Variants in RABGAP1L observed in about 807,000 individuals in gnomAD.
The protein encoded by RABGAP1L is rab GTPase-activating protein 1-like.
A neutral mutation model predicts 137.7 loss-of-function variants in RABGAP1L; 63 were observed. That is an observed-to-expected ratio of 0.46 (90% confidence interval 0.37 to 0.56). RABGAP1L has a LOEUF of 0.56. Ranked by LOEUF, RABGAP1L falls within the 20% of genes least tolerant of loss-of-function variation. The probability of loss-of-function intolerance (pLI) is 0.00; values close to 1 mark genes in which losing one functional copy is unlikely to be tolerated. For missense variants in RABGAP1L, 1,095 were observed against 1,244.0 expected, an observed-to-expected ratio of 0.88 and a Z score of 1.80; for synonymous variants, 431 against 433.7, an observed-to-expected ratio of 0.99 and a Z score of 0.08.
chr1:174,789,738 C>T (rs1430405434), intron 18 of RABGAP1L, among the ~76,000 whole-genome samples: 2 of 151,586 alleles, frequency 1.3e-5, no homozygotes, highest in African/African-American at 4.8e-5. Context: ...GTTCTAAGGC[C>T]CTGTAAAATT....
intron 20 of RABGAP1L, among the ~76,000 whole-genome samples, chr1:174,967,660 A>AT (rs1290582157): frequency 6.6e-6 from 1 of 151,580 alleles, no homozygotes; most frequent in African/African-American, 2.4e-5. Context: ...ATTTTTAAAA[A>AT]TTTTTTTGTA....
rs1281331339 is a variant in RABGAP1L, at chr1:174,611,840, T to G, written c.1711-25535T>G. On this transcript the variant is annotated intron_variant, in intron 13 of 25. Coordinates refer to ENST00000681986, the MANE Select transcript of RABGAP1L (RefSeq NM_001366446.1). ...GCAATTGTGAATGGGAGTTCACTCA[T>G]GATTTGGCTCTCTGTTTGTCTGTTA... 2.0e-5 allele frequency among the ~76,000 whole-genome samples: 3 copies of G among 152,128 alleles called. No homozygotes were observed. In the East Asian group the frequency reaches 5.8e-4, roughly 29 times the overall value.
At chr1:174,547,020 A>T (rs1271495654) in intron 13 of RABGAP1L, among the ~76,000 whole-genome samples, 2 of 106,882 alleles carry the variant, frequency 1.9e-5, no homozygotes, top group Non-Finnish European at 3.4e-5. Context: ...AAAGAGCGAG[A>T]CTCTGTCTCA....
chr1:174,763,549 G>T (rs1337132087), intron 18 of RABGAP1L, among the ~76,000 whole-genome samples: 1 of 149,906 alleles, frequency 6.7e-6, no homozygotes, highest in East Asian at 2.0e-4. Flanking sequence ...TACTCGGGAG[G>T]CTGAGGCAGG....
chr1:174,545,031 C>G (rs2147954249), intron 13 of RABGAP1L: 1 of 152,962 alleles, frequency 6.5e-6, no homozygotes, highest in African/African-American at 2.4e-5. Flanking sequence ...AGGTGTCTCC[C>G]AATTAGACTA....
At chr1:174,842,230 T>G (rs1480929172) in intron 19 of RABGAP1L, among the ~76,000 whole-genome samples, 1 of 152,224 alleles carries the variant, frequency 6.6e-6, no homozygotes, top group Non-Finnish European at 1.5e-5. Flanking sequence ...GTTGAATTCT[T>G]CAGCATCTTC....
intron 17 of RABGAP1L, among the ~76,000 whole-genome samples, 197 bp downstream of exon 17, chr1:174,702,453 C>T (rs1572857871): frequency 7.0e-6 from 1 of 143,634 alleles, no homozygotes; most frequent in African/African-American, 2.5e-5. Context: ...AATGTTAAGG[C>T]ATATATAATT....
chr1:174,272,267 C>G (rs1049449965), intron 7 of RABGAP1L, 147 bp from the exon 8 acceptor site: 3 of 660,114 alleles, frequency 4.5e-6, no homozygotes, highest in Non-Finnish European at 6.9e-6. Flanking sequence ...TTCATAAATA[C>G]TTATTTCTGG....
chr1:174,635,116 C>G (rs1406998568), intron 13 of RABGAP1L, among the ~76,000 whole-genome samples: 1 of 151,860 alleles, frequency 6.6e-6, no homozygotes, highest in Admixed American at 6.6e-5. Flanking sequence ...AATTTACTCT[C>G]TAGATTTTTT....
intron 18 of RABGAP1L, among the ~76,000 whole-genome samples, chr1:174,766,525 G>A (rs1685683767): frequency 6.6e-6 from 1 of 152,178 alleles, no homozygotes; most frequent in Non-Finnish European, 1.5e-5. Context: ...AAGGAAGTGT[G>A]CATTCTCCAG....
intron 21 of RABGAP1L, among the ~76,000 whole-genome samples, chr1:174,973,996 T>G (rs1274035836): frequency 4.4e-5 from 6 of 135,336 alleles, no homozygotes; most frequent in Admixed American, 1.5e-4. Flanking sequence ...TTTTTTTTTT[T>G]TTTTTTTTTT....
chr1:174,614,979 C>T (rs1196596156), intron 13 of RABGAP1L, among the ~76,000 whole-genome samples: 1 of 152,146 alleles, frequency 6.6e-6, no homozygotes, highest in African/African-American at 2.4e-5. Flanking sequence ...ATACATTTGT[C>T]TAAATTTTTT....
At position 174,634,548 on chromosome 1, in the gene RABGAP1L, A is replaced by T. The variant is rs1325258268; in HGVS notation, c.1711-2827A>T. Among the ~76,000 whole-genome samples, 4 of 143,842 alleles carry T rather than the reference A, an allele frequency of 2.8e-5. No homozygotes were observed. The Admixed American group carries it at 2.8e-4, about 10-fold the overall frequency. The allele number at this position is 143,842 out of a possible 152,430, so 94.4% of individuals were successfully genotyped here. ...CCCTTACTGGGTATATACCCAAATGACTATAAATCATGCTGCTATAAAGAC... is the reference window on the plus strand; with the variant it reads ...CCCTTACTGGGTATATACCCAAATGTCTATAAATCATGCTGCTATAAAGAC... On this transcript the variant is annotated intron_variant, in intron 13 of 25. Coordinates refer to ENST00000681986, the MANE Select transcript of RABGAP1L (RefSeq NM_001366446.1).
At chr1:174,779,453 C>T (rs925483748) in intron 18 of RABGAP1L, among the ~76,000 whole-genome samples, 1 of 152,270 alleles carries the variant, frequency 6.6e-6, no homozygotes, top group South Asian at 2.1e-4. Context: ...CAGTGTGAGG[C>T]TGTTTATCCC....
intron 13 of RABGAP1L, among the ~76,000 whole-genome samples, chr1:174,598,587 A>G (rs1347735177): frequency 6.6e-6 from 1 of 152,122 alleles, no homozygotes; most frequent in Non-Finnish European, 1.5e-5. Context: ...TGGGTGCTTC[A>G]GTGTTGATGC....
At chr1:174,430,798 C>T (rs977765801) in intron 13 of RABGAP1L, among the ~76,000 whole-genome samples, 2 of 152,058 alleles carry the variant, frequency 1.3e-5, no homozygotes, top group African/African-American at 2.4e-5. Context: ...AATAATTAAA[C>T]TCATGATTAA....
intron 18 of RABGAP1L, chr1:174,800,137 G>T: frequency 7.3e-7 from 1 of 1,370,742 alleles, no homozygotes. Context: ...TCATTTTCCA[G>T]TCTACTTTGG....
chr1:174,531,188 G>C (rs1156250092), intron 13 of RABGAP1L, among the ~76,000 whole-genome samples: 3 of 151,774 alleles, frequency 2.0e-5, no homozygotes, highest in Non-Finnish European at 2.9e-5. Context: ...ACCTATTAAA[G>C]ATGGCTATAA....
rs148271183 is a variant in RABGAP1L, at chr1:174,372,037, A to G, written c.1559+965A>G. On this transcript the variant is annotated intron_variant, in intron 12 of 25. Coordinates refer to ENST00000681986, the MANE Select transcript of RABGAP1L (RefSeq NM_001366446.1). The stretch of plus-strand genomic sequence containing the variant: ...TGGGCCTGTTATTGTTTTTAAGGAG[A>G]TAAACCCTGAATGGCCAGCTGCTTC... Among the ~76,000 whole-genome samples, 190 of 152,266 alleles carry G rather than the reference A, an allele frequency of 1.2e-3. 1 individual carries two copies. Among genetic ancestry groups the G allele is most frequent in the African/African-American group, 4.5e-3 (186 of 41,570 alleles).
Sources: allele counts gnomAD v4.1 joint callset (sites outside exome capture counted in the v4.1 genomes callset), GRCh38; gene constraint gnomAD v4.1.1; transcripts MANE v1.5; gene names NCBI Gene and HGNC (gene_info 2026-07-23, HGNC 2026-07-21).